PCDHGA8: variants seen among roughly 807,000 people sequenced by gnomAD.
PCDHGA8 encodes protocadherin gamma subfamily A, 8, also known as protocadherin gamma-A8.
PCDHGA8 carries 45 observed loss-of-function variants against 59.2 expected under a neutral mutation model. The observed-to-expected ratio is 0.76, with a 90% CI of 0.60 to 0.98. The LOEUF (loss-of-function observed/expected upper bound fraction) is 0.98, where lower values mean the gene tolerates loss of function less well. Among genes scored for constraint, PCDHGA8 ranks in the 50% least tolerant of loss-of-function variants. The probability of loss-of-function intolerance (pLI) is 0.00; values close to 1 mark genes in which losing one functional copy is unlikely to be tolerated. For missense variants in PCDHGA8, 1,257 were observed against 1,196.2 expected (o/e 1.05, Z -0.75); for synonymous variants, 531 against 519.0 (o/e 1.02, Z -0.32).
At position 141,433,356 on chromosome 5, in the gene PCDHGA8, T is replaced by A. The variant is rs549297958; in HGVS notation, c.2424+38119T>A. On this transcript the variant is annotated intron_variant, in intron 1 of 3. Transcript: ENST00000398604. ...CTACAGGTGCAAGCCACCTACTGTC[T>A]GCCTATCTATCTATCTATCTATCTA... The A allele has an allele frequency of 8.4e-5, 51 of 607,892 alleles. No homozygotes were observed. The African/African-American group carries it at 9.5e-4, about 11-fold the overall frequency. 37.7% of individuals were successfully genotyped at this position (607,892 alleles called of 1,614,324 possible).
intron 1 of PCDHGA8, among the ~76,000 whole-genome samples, chr5:141,458,921 C>CG (rs2098956905): frequency 6.6e-6 from 1 of 151,960 alleles, no homozygotes; most frequent in African/African-American, 2.4e-5. Flanking sequence ...TTTGTGGAGA[C>CG]GGGGTCTCAC....
intron 1 of PCDHGA8, among the ~76,000 whole-genome samples, chr5:141,449,891 A>G (rs2098658520): frequency 6.6e-6 from 1 of 151,872 alleles, no homozygotes; most frequent in Non-Finnish European, 1.5e-5. Flanking sequence ...CAATATAATT[A>G]TTTAGCCTAT....
rs147674746 is a variant in PCDHGA8, at chr5:141,477,348, C to G, written c.2425-17459C>G. 7 of 1,614,180 alleles carry G rather than the reference C, an allele frequency of 4.3e-6. No individual in the cohort carries two copies. Among genetic ancestry groups the G allele is most frequent in the Non-Finnish European group, 5.9e-6 (7 of 1,180,030 alleles). ...CTCAAGAATTACTTCACTTTGAAAA[C>G]CAGTGCAGACCTGGATCGGGAGACT... is the stretch of plus-strand genomic sequence containing the variant. On this transcript the variant is annotated intron_variant, in intron 1 of 3. Transcript: ENST00000398604. The surrounding 1 kb of genome is among the most constrained non-coding windows in gnomAD (Gnocchi z 4.9).
At chr5:141,430,774 A>G (rs1269572813) in intron 1 of PCDHGA8, 11 of 1,508,872 alleles carry the variant, frequency 7.3e-6, no homozygotes, top group Non-Finnish European at 8.8e-7. Context: ...TTCCTGCGCG[A>G]CTGCACCGGG....
rs1012790217 is a variant in PCDHGA8 at position 141,432,087 on chromosome 5, C to T, written c.2424+36850C>T. On this transcript the variant is annotated intron_variant, in intron 1 of 3. Coordinates refer to ENST00000398604, the MANE Select transcript of PCDHGA8 (RefSeq NM_032088.2). This position sits in a 1 kb window ranked among gnomAD's most constrained non-coding sequence, Gnocchi z 6.0. ...GAAACTCATATCTCGCTGAACGTGG[C>T]AGACACCAACGACAACCCGCCGGTC... is the stretch of plus-strand genomic sequence containing the variant. The T allele has an allele frequency of 2.5e-6, 4 of 1,614,060 alleles. No homozygotes were observed. The African/African-American group carries it at 4.0e-5, about 16-fold the overall frequency.
chr5:141,504,836 C>A (rs550489904), intron 2 of PCDHGA8, among the ~76,000 whole-genome samples: 2 of 152,200 alleles, frequency 1.3e-5, no homozygotes, highest in East Asian at 3.9e-4. Context: ...TTTTCTCTAG[C>A]TCTGGAACAT....
At chr5:141,478,808 T>C in intron 1 of PCDHGA8, 1 of 1,459,124 alleles carries the variant, frequency 6.9e-7, no homozygotes, top group African/African-American at 1.4e-5. Flanking sequence ...TCTTTTGCTA[T>C]CACAACTAAC....
At position 141,477,226 on chromosome 5, in the gene PCDHGA8, C is replaced by G. The variant is rs779570150; in HGVS notation, c.2425-17581C>G. 59 of 1,614,076 alleles carry G rather than the reference C, an allele frequency of 3.7e-5. No homozygotes were observed. The highest frequency in any genetic ancestry group is 1.3e-4 in the Admixed American group (8 of 60,004). On this transcript the variant is annotated intron_variant, in intron 1 of 3. Coordinates refer to ENST00000398604, the MANE Select transcript of PCDHGA8 (RefSeq NM_032088.2). This position sits in a 1 kb window ranked among gnomAD's most constrained non-coding sequence, Gnocchi z 4.9. ...CCGAGGATGCCCCTCTGGGGACTGT[C>G]ATCGCTTTGCTCAGTGTGACTGACC...
intron 1 of PCDHGA8, chr5:141,405,044 G>A (rs769617162): frequency 6.2e-7 from 1 of 1,613,938 alleles, no homozygotes; most frequent in Admixed American, 1.7e-5. Context: ...TGTGGCTGTG[G>A]CAGTCGTCTC....
At chr5:141,409,219 T>A in intron 1 of PCDHGA8, 1 of 1,614,022 alleles carries the variant, frequency 6.2e-7, no homozygotes, top group Non-Finnish European at 8.5e-7. Context: ...AAATCCTTGA[T>A]GAAAACGACA....
intron 1 of PCDHGA8, chr5:141,417,664 C>T: frequency 1.1e-6 from 1 of 911,118 alleles, no homozygotes; most frequent in Non-Finnish European, 1.6e-6. Context: ...CTGGGATTCC[C>T]TGCGCAGCCA....
At chr5:141,466,965 C>A (rs1345790988) in intron 1 of PCDHGA8, among the ~76,000 whole-genome samples, 1 of 152,016 alleles carries the variant, frequency 6.6e-6, no homozygotes, top group East Asian at 1.9e-4. Context: ...CAAATATTTT[C>A]TCACAGCTCA....
At chr5:141,458,081 GTAAGT>G (rs2098936973) in intron 1 of PCDHGA8, among the ~76,000 whole-genome samples, 1 of 152,186 alleles carries the variant, frequency 6.6e-6, no homozygotes, top group Non-Finnish European at 1.5e-5. Context: ...CTATATTGCC[GTAAGT>G]TAAGAGTACT....
chr5:141,410,024 G>T (rs771946302), intron 1 of PCDHGA8: 4 of 1,613,164 alleles, frequency 2.5e-6, no homozygotes, highest in Non-Finnish European at 3.4e-6. Flanking sequence ...GTCCTACCAC[G>T]TGCTGCAGGC....
chr5:141,395,542 TTGTGTGTGTGTGTGTGTGTG>T (rs55729045), intron 1 of PCDHGA8: 12 of 172,620 alleles, frequency 7.0e-5, no homozygotes, highest in Admixed American at 1.6e-4. Flanking sequence ...TTGCTATTGT[TTGTGTGTGTGTGTGTGTGTG>T]TGTGTGTGTG....
intron 1 of PCDHGA8, chr5:141,413,768 TG>T (rs1158107882): frequency 2.5e-6 from 4 of 1,613,132 alleles, no homozygotes; most frequent in Non-Finnish European, 3.4e-6. Context: ...TACCCGGAGC[TG>T]GTACTGGAGC....
intron 1 of PCDHGA8, among the ~76,000 whole-genome samples, chr5:141,467,359 A>G (rs997614051): frequency 1.3e-5 from 2 of 151,714 alleles, no homozygotes; most frequent in African/African-American, 4.8e-5. Context: ...GGCCAAATCA[A>G]CGTTTTCTTA....
At chr5:141,422,153 AT>A (rs750082013) in intron 1 of PCDHGA8, 4 of 1,575,250 alleles carry the variant, frequency 2.5e-6, no homozygotes, top group Non-Finnish European at 3.4e-6. Context: ...GGGTCTCTGG[AT>A]TTTGAAAAAT....
chr5:141,413,760 C>G (rs778067298), intron 1 of PCDHGA8: 2 of 1,613,250 alleles, frequency 1.2e-6, no homozygotes, highest in African/African-American at 2.7e-5. Context: ...GCGTCAAGTA[C>G]CCGGAGCTGG....
Sources: allele counts gnomAD v4.1 joint callset (sites outside exome capture counted in the v4.1 genomes callset), GRCh38; gene constraint gnomAD v4.1.1; non-coding constraint Gnocchi (gnomAD v3.1); transcripts MANE v1.5; gene names NCBI Gene and HGNC (gene_info 2026-07-23, HGNC 2026-07-21).